CACNB4: variants seen among roughly 807,000 people sequenced by gnomAD.
CACNB4 encodes calcium voltage-gated channel auxiliary subunit beta 4, also known as voltage-dependent L-type calcium channel subunit beta-4.
A neutral mutation model predicts 71.2 loss-of-function variants in CACNB4; 32 were observed. The ratio of observed to expected loss-of-function variants is 0.45; its 90% CI spans 0.34 to 0.60. CACNB4 has a LOEUF of 0.60. Among genes scored for constraint, CACNB4 ranks in the 20% least tolerant of loss-of-function variants. The pLI, the probability that CACNB4 is intolerant of heterozygous loss-of-function variation, is 0.01. For synonymous variants in CACNB4, 231 were observed against 236.9 expected, an observed-to-expected ratio of 0.97 and a Z score of 0.23; for missense variants, 464 against 647.9, an observed-to-expected ratio of 0.72 and a Z score of 3.08.
At chr2:151,849,301 C>CAGT (rs1559861246) in intron 12 of CACNB4, among the ~76,000 whole-genome samples, 1 of 152,104 alleles carries the variant, frequency 6.6e-6, no homozygotes, top group Non-Finnish European at 1.5e-5. Flanking sequence ...CTCACTCTGT[C>CAGT]GGGTAGAGTG....
intron 2 of CACNB4, chr2:151,973,518 T>G (rs2099873169): frequency 1.4e-6 from 1 of 699,876 alleles, no homozygotes. Flanking sequence ...CAGAGAACAT[T>G]TACACAGCAG....
At chr2:151,926,555 G>A (rs1035491213) in intron 2 of CACNB4, among the ~76,000 whole-genome samples, 3 of 150,832 alleles carry the variant, frequency 2.0e-5, no homozygotes, top group Non-Finnish European at 2.9e-5. Context: ...AATTCAGAGA[G>A]CTCAGGGATT....
intron 2 of CACNB4, among the ~76,000 whole-genome samples, chr2:151,940,255 C>T (rs1289712404): frequency 6.6e-6 from 1 of 152,172 alleles, no homozygotes; most frequent in Non-Finnish European, 1.5e-5. Context: ...AAGGTGCTAA[C>T]TTCAAACCAA....
chr2:151,959,568 C>T (rs912072472), intron 2 of CACNB4, among the ~76,000 whole-genome samples: 1 of 152,204 alleles, frequency 6.6e-6, no homozygotes, highest in African/African-American at 2.4e-5. Context: ...GTACATCTTA[C>T]AGCCAGAACA....
At chr2:152,039,014 A>G (rs1579181599) in intron 2 of CACNB4, among the ~76,000 whole-genome samples, 1 of 152,222 alleles carries the variant, frequency 6.6e-6, no homozygotes, top group African/African-American at 2.4e-5. Context: ...CTTAGTTAAT[A>G]TAGGGATAAT....
intron 2 of CACNB4, among the ~76,000 whole-genome samples, chr2:152,042,703 T>G (rs989054229): frequency 6.6e-6 from 1 of 152,176 alleles, no homozygotes; most frequent in African/African-American, 2.4e-5. Flanking sequence ...TTTTATTTTT[T>G]TAGAGATGTT....
chr2:152,045,700 C>T (rs1685111969), intron 2 of CACNB4, among the ~76,000 whole-genome samples: 1 of 152,124 alleles, frequency 6.6e-6, no homozygotes, highest in African/African-American at 2.4e-5. Flanking sequence ...CCCTCTCCCT[C>T]ACGCAACCTC....
intron 2 of CACNB4, among the ~76,000 whole-genome samples, chr2:152,077,395 A>G (rs1013022906): frequency 6.6e-6 from 1 of 152,174 alleles, no homozygotes; most frequent in Admixed American, 6.5e-5. Flanking sequence ...TCTACTAAAA[A>G]TACAAAAATT....
At chr2:151,870,756 A>G (rs2099844421) in intron 7 of CACNB4, 86 bp downstream of exon 7, 2 of 1,256,974 alleles carry the variant, frequency 1.6e-6, no homozygotes, top group Non-Finnish European at 2.3e-6. Flanking sequence ...CTTATTTTAT[A>G]GCCACTTGGG....
At chr2:151,937,160 C>T (rs2099863122) in intron 2 of CACNB4, among the ~76,000 whole-genome samples, 1 of 152,160 alleles carries the variant, frequency 6.6e-6, no homozygotes, top group South Asian at 2.1e-4. Context: ...GAAATTAACC[C>T]ATTTCAATGA....
chr2:151,843,535 C>G (rs2099836774), intron 12 of CACNB4, among the ~76,000 whole-genome samples: 1 of 151,954 alleles, frequency 6.6e-6, no homozygotes, highest in African/African-American at 2.4e-5. Flanking sequence ...AGGCTGGTCT[C>G]AAACTCCTGG....
chr2:152,064,515 G>A (rs1278698064), intron 2 of CACNB4, among the ~76,000 whole-genome samples: 2 of 152,046 alleles, frequency 1.3e-5, no homozygotes, highest in African/African-American at 4.8e-5. Flanking sequence ...CAAGTAGCTG[G>A]GATTACAGGC....
Position 152,082,678 on chromosome 2 carries a change from G to A in CACNB4, c.147+15652C>T, listed in dbSNP as rs141443297. Among the ~76,000 whole-genome samples the A allele has an allele frequency of 3.7e-3, 560 of 152,296 alleles. 2 individuals are homozygous for A. Among genetic ancestry groups the A allele is most frequent in the Non-Finnish European group, 5.6e-3 (381 of 68,012 alleles). ...ACAAGGAAAACAGAGGCCTTAAGAAGTATTCATTCAGGCAGTCTCCCCTGT... is the reference window on the plus strand; with the variant it reads ...ACAAGGAAAACAGAGGCCTTAAGAAATATTCATTCAGGCAGTCTCCCCTGT... On this transcript the variant is annotated intron_variant, in intron 2 of 13. Transcript: ENST00000539935.
chr2:152,062,716 C>G (rs1686088252), intron 2 of CACNB4, among the ~76,000 whole-genome samples: 1 of 152,106 alleles, frequency 6.6e-6, no homozygotes, highest in South Asian at 2.1e-4. Flanking sequence ...CAAGACAGAG[C>G]CTTTGCCAAT....
intron 2 of CACNB4, among the ~76,000 whole-genome samples, chr2:152,084,275 G>A (rs1208174844): frequency 2.0e-5 from 3 of 152,202 alleles, no homozygotes; most frequent in African/African-American, 4.8e-5. Context: ...GGGACACAGA[G>A]TGACCCAGAG....
intron 2 of CACNB4, among the ~76,000 whole-genome samples, chr2:151,965,984 A>G (rs1156656313): frequency 6.6e-6 from 1 of 152,220 alleles, no homozygotes; most frequent in African/African-American, 2.4e-5. Flanking sequence ...AGGTCCGAAC[A>G]CTGATACCTT....
At chr2:152,053,508 G>A (rs1685554436) in intron 2 of CACNB4, among the ~76,000 whole-genome samples, 1 of 149,302 alleles carries the variant, frequency 6.7e-6, no homozygotes, top group South Asian at 2.1e-4. Flanking sequence ...TGGGTTCTGT[G>A]ATCTGCTCTA....
At chr2:152,033,675 A>T (rs545144957) in intron 2 of CACNB4, among the ~76,000 whole-genome samples, 2 of 152,214 alleles carry the variant, frequency 1.3e-5, no homozygotes, top group African/African-American at 2.4e-5. Context: ...GGGAAAAAAA[A>T]TTTTCTCCCC....
chr2:151,877,735 T>A (rs142046441), intron 4 of CACNB4, among the ~76,000 whole-genome samples: 248 of 152,334 alleles, frequency 1.6e-3, no homozygotes, highest in African/African-American at 5.7e-3. Flanking sequence ...TGTGAAATTT[T>A]GCAAATAACT....
Sources: gnomAD v4.1 joint callset for allele counts (sites outside exome capture counted in the v4.1 genomes callset) on GRCh38, gnomAD v4.1.1 for gene constraint, MANE v1.5 for transcripts, NCBI Gene and HGNC (gene_info 2026-07-23, HGNC 2026-07-21) for gene names.